The following SAMD12 variants were observed in gnomAD, a reference collection of about 807,000 sequenced individuals.
SAMD12 encodes the protein sterile alpha motif domain-containing protein 12.
A neutral mutation model predicts 15.0 loss-of-function variants in SAMD12; 9 were observed. The observed-to-expected ratio is 0.60, with a 90% CI of 0.36 to 1.05. The LOEUF (loss-of-function observed/expected upper bound fraction) is 1.05. SAMD12 is among the 50% of genes least tolerant of loss of function. SAMD12 has a pLI of 0.01. For missense variants in SAMD12, 230 were observed against 234.2 expected (o/e 0.98, Z 0.12); for synonymous variants, 86 against 90.1 (o/e 0.96, Z 0.25).
At chr8:118,544,948 GA>G (rs1826082222) in intron 2 of SAMD12, among the ~76,000 whole-genome samples, 1 of 152,176 alleles carries the variant, frequency 6.6e-6, no homozygotes, top group Non-Finnish European at 1.5e-5. Flanking sequence ...GCAAAGTAGT[GA>G]CTGGAAGTTA....
At chr8:118,466,952 A>C (rs372776616) in intron 2 of SAMD12, among the ~76,000 whole-genome samples, 6 of 152,206 alleles carry the variant, frequency 3.9e-5, no homozygotes, top group African/African-American at 1.4e-4. Context: ...GACATAAGCA[A>C]ATAAAGATGG....
At chr8:118,432,210 G>T (rs1338946299) in intron 3 of SAMD12, among the ~76,000 whole-genome samples, 1 of 152,082 alleles carries the variant, frequency 6.6e-6, no homozygotes, top group Non-Finnish European at 1.5e-5. Flanking sequence ...TTTCCTATTT[G>T]ATAAACCTAA....
chr8:118,427,065 C>A (rs906262374), intron 3 of SAMD12, among the ~76,000 whole-genome samples: 1 of 152,172 alleles, frequency 6.6e-6, no homozygotes, highest in Admixed American at 6.5e-5. Context: ...CAGGCAACAC[C>A]GTGCCTTTCT....
intron 2 of SAMD12, among the ~76,000 whole-genome samples, chr8:118,537,853 T>C (rs1247923523): frequency 6.6e-6 from 1 of 152,238 alleles, no homozygotes; most frequent in Non-Finnish European, 1.5e-5. Flanking sequence ...TGGATTACAC[T>C]GATGCTTGTC....
At chr8:118,601,175 G>T (rs115591621) in intron 1 of SAMD12, among the ~76,000 whole-genome samples, 3 of 151,482 alleles carry the variant, frequency 2.0e-5, no homozygotes, top group Admixed American at 2.0e-4. Flanking sequence ...TTTTCCAATG[G>T]GTATATATAA....
chr8:118,601,674 G>C (rs1827869840), intron 1 of SAMD12, among the ~76,000 whole-genome samples: 1 of 152,216 alleles, frequency 6.6e-6, no homozygotes, highest in Non-Finnish European at 1.5e-5. Context: ...TGGGGACCCA[G>C]ATGTCAAAAG....
At chr8:118,440,388 T>G (rs1822704430) in intron 2 of SAMD12, among the ~76,000 whole-genome samples, 1 of 152,104 alleles carries the variant, frequency 6.6e-6, no homozygotes, top group East Asian at 1.9e-4. Flanking sequence ...CTCCAGGAAG[T>G]GCTAATAATA....
chr8:118,236,705 A>G (rs1157840965), intron 4 of SAMD12, among the ~76,000 whole-genome samples: 1 of 152,230 alleles, frequency 6.6e-6, no homozygotes, highest in East Asian at 1.9e-4. Flanking sequence ...GAAATTTGAT[A>G]TGGAGACTGA....
At chr8:118,595,251 G>C (rs1409867871) in intron 1 of SAMD12, among the ~76,000 whole-genome samples, 8 of 152,164 alleles carry the variant, frequency 5.3e-5, no homozygotes, top group African/African-American at 1.7e-4. Context: ...TGCATATTTA[G>C]GGAAGGATTT....
intron 2 of SAMD12, among the ~76,000 whole-genome samples, chr8:118,564,282 C>T (rs1246676284): frequency 1.3e-5 from 2 of 151,826 alleles, no homozygotes; most frequent in Admixed American, 6.6e-5. Context: ...GTCTCAAGCC[C>T]AGCAACTGAG....
At chr8:118,542,233 A>G (rs1047999896) in intron 2 of SAMD12, among the ~76,000 whole-genome samples, 1 of 152,248 alleles carries the variant, frequency 6.6e-6, no homozygotes, top group African/African-American at 2.4e-5. Flanking sequence ...ATAGCAAGAT[A>G]AGAGTACCAA....
chr8:118,453,447 C>CA (rs1419127120), intron 2 of SAMD12, among the ~76,000 whole-genome samples: 1 of 152,040 alleles, frequency 6.6e-6, no homozygotes, highest in Non-Finnish European at 1.5e-5. Flanking sequence ...CATATGCCAG[C>CA]AGTTGCTTAA....
At chr8:118,427,025 G>T (rs939715206) in intron 3 of SAMD12, among the ~76,000 whole-genome samples, 21 of 152,202 alleles carry the variant, frequency 1.4e-4, no homozygotes, top group African/African-American at 5.1e-4. Flanking sequence ...AGAGAGTATT[G>T]TTCCTTTGTC....
intron 2 of SAMD12, among the ~76,000 whole-genome samples, chr8:118,473,962 TG>T (rs1488209738): frequency 6.6e-6 from 1 of 152,174 alleles, no homozygotes; most frequent in African/African-American, 2.4e-5. Flanking sequence ...GTAGATTTTT[TG>T]TTGTTTGTTT....
At chr8:118,241,059 G>A (rs542293820) in intron 4 of SAMD12, among the ~76,000 whole-genome samples, 1 of 152,128 alleles carries the variant, frequency 6.6e-6, no homozygotes, top group Non-Finnish European at 1.5e-5. Context: ...TGCCATCCCT[G>A]GGATAGTATT....
At chr8:118,590,734 T>G (rs1032881608) in intron 1 of SAMD12, among the ~76,000 whole-genome samples, 1 of 152,080 alleles carries the variant, frequency 6.6e-6, no homozygotes, top group African/African-American at 2.4e-5. Context: ...CAGGTTTCAA[T>G]AGAAAATCAC....
chr8:118,165,553 G>A, the SAMD12 span, among the ~76,000 whole-genome samples: 3 of 128,044 alleles, frequency 2.3e-5, no homozygotes, highest in African/African-American at 5.6e-5. Context: ...ACTATGCCCG[G>A]CCCTCAAAAT....
At chr8:118,305,007 G>T (rs1815248596) in intron 4 of SAMD12, among the ~76,000 whole-genome samples, 1 of 150,218 alleles carries the variant, frequency 6.7e-6, no homozygotes. Context: ...AAATTAGACA[G>T]GTGTGGTGGT....
the SAMD12 span, among the ~76,000 whole-genome samples, chr8:118,174,103 C>A: frequency 6.6e-6 from 1 of 152,198 alleles, no homozygotes; most frequent in Non-Finnish European, 1.5e-5. Context: ...GGAAATCATG[C>A]AAGCTGCTTC....
Sources: gnomAD v4.1 joint callset for allele counts (sites outside exome capture counted in the v4.1 genomes callset) on GRCh38, gnomAD v4.1.1 for gene constraint, MANE v1.5 for transcripts, NCBI Gene and HGNC (gene_info 2026-07-23, HGNC 2026-07-21) for gene names.